GRID2: variants seen among roughly 807,000 people sequenced by gnomAD.
GRID2 encodes glutamate ionotropic receptor delta type subunit 2.
In GRID2, 33 loss-of-function variants were observed where a neutral mutation model predicts 114.8. The observed-to-expected ratio is 0.29, with a 90% CI of 0.22 to 0.38. GRID2 has a LOEUF of 0.38. Ranked by LOEUF, GRID2 falls within the 10% of genes least tolerant of loss-of-function variation. The pLI is 1.00. For missense variants in GRID2, 1,184 were observed against 1,257.7 expected (o/e 0.94, Z 0.89); for synonymous variants, 505 against 449.9 (o/e 1.12, Z -1.55).
intron 4 of GRID2, among the ~76,000 whole-genome samples, chr4:93,111,245 G>C (rs188279802): frequency 6.6e-6 from 1 of 152,246 alleles, no homozygotes; most frequent in East Asian, 1.9e-4. Flanking sequence ...AATCTGGCAA[G>C]ATCAAGAATA....
chr4:93,410,803 G>A (rs1285125721), intron 9 of GRID2, among the ~76,000 whole-genome samples: 9 of 152,264 alleles, frequency 5.9e-5, no homozygotes, highest in Non-Finnish European at 1.2e-4. Context: ...GGCTGATCTC[G>A]AACTCCTGAC....
At chr4:92,857,980 G>A (rs1202156450) in intron 2 of GRID2, among the ~76,000 whole-genome samples, 2 of 152,024 alleles carry the variant, frequency 1.3e-5, no homozygotes, top group South Asian at 2.1e-4. Flanking sequence ...TCTATAAATG[G>A]AACAATAAAG....
At chr4:93,230,354 C>T (rs530937621) in intron 7 of GRID2, among the ~76,000 whole-genome samples, 45 of 152,130 alleles carry the variant, frequency 3.0e-4, no homozygotes, top group African/African-American at 1.0e-3. Context: ...ATTAATCACT[C>T]CAATTCTAAT....
At chr4:93,020,781 C>A (rs1189450575) in intron 2 of GRID2, among the ~76,000 whole-genome samples, 1 of 151,956 alleles carries the variant, frequency 6.6e-6, no homozygotes. Context: ...GCCTGTAATC[C>A]CAGCACTTTG....
intron 13 of GRID2, among the ~76,000 whole-genome samples, chr4:93,599,228 AG>A (rs1739427474): frequency 6.6e-6 from 1 of 152,222 alleles, no homozygotes; most frequent in Non-Finnish European, 1.5e-5. Context: ...TTAATGATTC[AG>A]CATCTATTCC....
chr4:93,051,068 A>G (rs1258013760), intron 2 of GRID2, among the ~76,000 whole-genome samples: 1 of 152,060 alleles, frequency 6.6e-6, no homozygotes, highest in Non-Finnish European at 1.5e-5. Context: ...TATTCAACAC[A>G]AATGTAGTTT....
At chr4:93,090,240 A>G (rs1730667706) in intron 3 of GRID2, among the ~76,000 whole-genome samples, 1 of 152,174 alleles carries the variant, frequency 6.6e-6, no homozygotes, top group Non-Finnish European at 1.5e-5. Context: ...ATTGATCTCA[A>G]CCATGCCCAC....
At position 93,145,836 on chromosome 4, in the gene GRID2, C is replaced by T. The variant is rs867797800; in HGVS notation, c.735+34883C>T. 3.6e-5 allele frequency among the ~76,000 whole-genome samples: 5 copies of T among 137,608 alleles called. No homozygotes were observed. The East Asian group carries it at 1.1e-3, about 29-fold the overall frequency. 90.3% of individuals were successfully genotyped at this position (137,608 alleles called of 152,430 possible). Reference sequence around the variant, plus strand: ...ATGGATGATTCACAGGGTTTTCATGCCCCAAATTTGTGCATGCACACACAC... The same window carrying T: ...ATGGATGATTCACAGGGTTTTCATGTCCCAAATTTGTGCATGCACACACAC... On this transcript the variant is annotated intron_variant, in intron 4 of 15. Coordinates refer to ENST00000282020, the MANE Select transcript of GRID2 (RefSeq NM_001510.4).
chr4:92,582,606 T>A (rs1314976636), intron 1 of GRID2, among the ~76,000 whole-genome samples: 3 of 151,958 alleles, frequency 2.0e-5, no homozygotes, highest in African/African-American at 7.2e-5. Flanking sequence ...TAAAATTTTA[T>A]AAAACAAAAT....
chr4:93,185,112 T>G (rs904069301), intron 4 of GRID2, among the ~76,000 whole-genome samples: 7 of 152,198 alleles, frequency 4.6e-5, no homozygotes, highest in African/African-American at 1.7e-4. Context: ...GAAGAAAAGA[T>G]GTATTTGATT....
At chr4:93,760,018 C>G (rs1733072692) in intron 14 of GRID2, among the ~76,000 whole-genome samples, 1 of 152,120 alleles carries the variant, frequency 6.6e-6, no homozygotes, top group African/African-American at 2.4e-5. Context: ...CCTTGGGAAA[C>G]TTTTCTTCAC....
Position 93,515,293 on chromosome 4 carries a change from G to T in GRID2, c.2075G>T (p.Arg692Leu). 2 of 1,609,308 alleles carry T rather than the reference G, an allele frequency of 1.2e-6. No individual in the cohort carries two copies. The highest frequency in any genetic ancestry group is 1.7e-6 in the Non-Finnish European group (2 of 1,175,968). ...VLDSAVYEHV[R>L]MKGLNPFERD... ...GACTCTGCGGTATATGAGCATGTCC[G>T]CATGAAAGGACTGAATCCTTTTGAG... Residue 692 changes from arginine (R) to leucine (L), a missense_variant, in exon 13 of 16, where the codon CGC (arginine) becomes CTC (leucine). Physicochemically the swap from Arg to Leu is moderately radical, Grantham distance 102 (BLOSUM62 -2). Around this residue, in one of 3 missense-constraint regions of GRID2, gnomAD observed 717 missense variants for 796.9 expected, o/e 0.90. Transcript: ENST00000282020.
At chr4:92,892,325 T>C (rs2149470862) in intron 2 of GRID2, among the ~76,000 whole-genome samples, 1 of 152,298 alleles carries the variant, frequency 6.6e-6, no homozygotes, top group East Asian at 1.9e-4. Context: ...GGGAACTTAT[T>C]CTGGGGTAAA....
At chr4:93,708,536 T>C (rs932182120) in intron 14 of GRID2, among the ~76,000 whole-genome samples, 1 of 152,036 alleles carries the variant, frequency 6.6e-6, no homozygotes, top group African/African-American at 2.4e-5. Flanking sequence ...TTCGATCTTT[T>C]TATTTGCAGT....
At chr4:92,950,385 T>G (rs948402353) in intron 2 of GRID2, among the ~76,000 whole-genome samples, 2 of 152,192 alleles carry the variant, frequency 1.3e-5, no homozygotes. Context: ...GGAGGATTTA[T>G]GTACTATGGT....
At chr4:92,558,257 A>G (rs904969495) in intron 1 of GRID2, among the ~76,000 whole-genome samples, 1 of 152,162 alleles carries the variant, frequency 6.6e-6, no homozygotes, top group Non-Finnish European at 1.5e-5. Flanking sequence ...TGTTCATGTA[A>G]GAGATGATGG....
intron 2 of GRID2, among the ~76,000 whole-genome samples, chr4:92,817,980 T>C (rs1415523770): frequency 6.6e-6 from 1 of 152,166 alleles, no homozygotes; most frequent in Admixed American, 6.6e-5. Flanking sequence ...CTAAAAACTA[T>C]GTTATCCAAA....
At chr4:93,538,869 C>G (rs1264134227) in intron 13 of GRID2, among the ~76,000 whole-genome samples, 1 of 148,040 alleles carries the variant, frequency 6.8e-6, no homozygotes, top group Non-Finnish European at 1.5e-5. Context: ...GGGTTGGGAA[C>G]AGAAAAAAAA....
At chr4:93,147,211 A>C (rs1385508425) in intron 4 of GRID2, among the ~76,000 whole-genome samples, 1 of 152,174 alleles carries the variant, frequency 6.6e-6, no homozygotes, top group African/African-American at 2.4e-5. Context: ...TTATATTCAA[A>C]CCTACAGTGT....
Sources: gnomAD v4.1 joint callset for allele counts (sites outside exome capture counted in the v4.1 genomes callset) on GRCh38, gnomAD v4.1.1 for gene constraint, gnomAD v4.1.1 regional missense constraint, MANE v1.5 for transcripts, NCBI Gene and HGNC (gene_info 2026-07-23, HGNC 2026-07-21) for gene names.